Variants in RNF17 observed in about 807,000 individuals in gnomAD.
RNF17 encodes the protein ring finger protein 17, also known as spermatogenesis associated 23.
A neutral mutation model predicts 200.5 loss-of-function variants in RNF17; 31 were observed. The observed-to-expected ratio is 0.15, with a 90% CI of 0.12 to 0.21. RNF17 has a LOEUF of 0.21. Among genes scored for constraint, RNF17 ranks in the 10% least tolerant of loss-of-function variants. RNF17 has a pLI of 1.00. For synonymous variants in RNF17, 606 were observed against 637.8 expected (o/e 0.95, Z 0.75); for missense variants, 1,628 against 1,905.1 (o/e 0.85, Z 2.71).
At chr13:24,782,233 T>C (rs1882478500) in intron 6 of RNF17, among the ~76,000 whole-genome samples, 1 of 152,112 alleles carries the variant, frequency 6.6e-6, no homozygotes. Flanking sequence ...TGGGGTGCAA[T>C]GGTGTGATAA....
At chr13:24,814,762 G>A (rs1030027714) in intron 15 of RNF17, among the ~76,000 whole-genome samples, 2 of 152,134 alleles carry the variant, frequency 1.3e-5, no homozygotes, top group Non-Finnish European at 2.9e-5. Context: ...TAGTTGTGTT[G>A]TAACTTTTGA....
At chr13:24,791,022 G>A (rs763415131) in intron 9 of RNF17, among the ~76,000 whole-genome samples, 14 of 152,308 alleles carry the variant, frequency 9.2e-5, no homozygotes, top group Middle Eastern at 6.8e-3. Flanking sequence ...AGACAATGTG[G>A]CATATTTCTA....
chr13:24,749,799 C>T, the RNF17 span, among the ~76,000 whole-genome samples: 2 of 152,078 alleles, frequency 1.3e-5, no homozygotes, highest in Admixed American at 6.6e-5. Context: ...GCCCAGGCTG[C>T]AGTGCAGTGG....
chr13:24,884,030 T>A, downstream of RNF17: 1 of 1,614,094 alleles, frequency 6.2e-7, no homozygotes, highest in Non-Finnish European at 8.5e-7. Flanking sequence ...AATAAGTTTT[T>A]AACAGTCTGG....
chr13:24,810,685 T>A, intron 15 of RNF17, among the ~76,000 whole-genome samples: 1 of 143,618 alleles, frequency 7.0e-6, no homozygotes, highest in African/African-American at 2.7e-5. Flanking sequence ...CCTGTCATTA[T>A]GATGTTAGCT....
intron 24 of RNF17, among the ~76,000 whole-genome samples, chr13:24,853,198 G>C (rs1009021764): frequency 2.6e-5 from 4 of 152,214 alleles, no homozygotes; most frequent in African/African-American, 9.7e-5. Flanking sequence ...ATAGGCGTGA[G>C]CCACCATGCC....
chr13:24,781,533 G>A (rs1214961283), intron 5 of RNF17, among the ~76,000 whole-genome samples: 1 of 152,112 alleles, frequency 6.6e-6, no homozygotes, highest in East Asian at 1.9e-4. Flanking sequence ...CTACTCAGGA[G>A]GCCAAGGCAG....
chr13:24,825,648 A>G lies in RNF17; in HGVS notation c.2121A>G (p.Leu707=). The change falls in exon 16 of 36, where the codon TTA becomes TTG. Residue 707 remains leucine (L), a synonymous_variant. Coordinates refer to ENST00000255324, the MANE Select transcript of RNF17 (RefSeq NM_031277.3). ...AGGGCCTGGATATTTTATTTCTATT[A>G]AAGACAATCGAGGAATTCTATAAAA... is the stretch of plus-strand genomic sequence containing the variant. The part of the protein sequence containing the change: ...LIEGLDILFL[L]KTIEEFYKSE... 1 of 1,602,156 alleles carries G rather than the reference A, an allele frequency of 6.2e-7. No homozygotes were observed. Among genetic ancestry groups the G allele is most frequent in the African/African-American group, 1.3e-5 (1 of 74,752 alleles).
rs746172483 is a variant in RNF17 at position 24,764,316 on chromosome 13, G to A, written c.113G>A (p.Arg38Lys). The A allele has an allele frequency of 1.2e-6, 2 of 1,607,776 alleles. No individual in the cohort carries two copies. The highest frequency in any genetic ancestry group is 1.1e-5 in the South Asian group (1 of 90,500). ...ATCCAGTGCACCAGGTGTGGAAGGA[G>A]GGTATCCAGATCATCCGGTGAGGAG... ...AEIQCTRCGR[R>K]VSRSSGHHCE... Residue 38 changes from arginine to lysine, a missense_variant, in exon 1 of 36, where the codon AGG becomes AAG. By Grantham distance (26) the Arg-to-Lys change is conservative. Transcript: ENST00000255324.
chr13:24,884,541 C>CTT (rs1239241010), downstream of RNF17: 4 of 1,437,058 alleles, frequency 2.8e-6, no homozygotes, highest in Non-Finnish European at 3.9e-6. Context: ...CAACTGCCTA[C>CTT]TTTGAAATTT....
chr13:24,802,594 A>T, intron 14 of RNF17, 23 bp downstream of exon 14: 1 of 1,566,486 alleles, frequency 6.4e-7, no homozygotes, highest in Non-Finnish European at 8.7e-7. Context: ...TTAAAACTTA[A>T]ATATTCTTTG....
At chr13:24,764,888 GGTGTGTGTGTGTGTGTGTGTGT>G (rs57755622) in intron 1 of RNF17, among the ~76,000 whole-genome samples, 1 of 134,174 alleles carries the variant, frequency 7.5e-6, no homozygotes, top group East Asian at 2.0e-4. Flanking sequence ...CACCTTGTGG[GGTGTGTGTGTGTGTGTGTGTGT>G]GTGTGTGTGT....
intron 1 of RNF17, 41 bp from the exon 2 acceptor site, chr13:24,767,231 A>G: frequency 7.2e-7 from 1 of 1,383,568 alleles, no homozygotes; most frequent in Non-Finnish European, 1.0e-6. Context: ...CTCAATAATC[A>G]TCATCATCAT....
the RNF17 span, among the ~76,000 whole-genome samples, chr13:24,749,853 G>A: frequency 0.11 from 17,436 of 152,148 alleles, 1,170 homozygotes; most frequent in African/African-American, 0.18. Context: ...AGGTTCAAAC[G>A]ATTCTTGTGC....
chr13:24,874,919 CTCATA>C (rs1162405685), intron 33 of RNF17, among the ~76,000 whole-genome samples: 1 of 152,080 alleles, frequency 6.6e-6, no homozygotes, highest in African/African-American at 2.4e-5. Flanking sequence ...TTCTGGGTAC[CTCATA>C]TAAGTAAATT....
chr13:24,764,248 C>A lies in RNF17; in HGVS notation c.45C>A (p.Tyr15Ter). The part of the protein sequence containing the change: ...ASKTGPSRSS[Y>*]QRMGRKSQPW... ...AGACTGGGCCTTCTAGGTCTTCCTA[C>A]CAGCGAATGGGGAGGAAGAGTCAGC... Residue 15 changes from tyrosine (Y) to a stop codon, truncating the protein, a stop_gained, in exon 1 of 36, where the codon TAC becomes TAA. Coordinates refer to ENST00000255324, the MANE Select transcript of RNF17 (RefSeq NM_031277.3). LOFTEE classifies it high-confidence loss of function. 6.2e-7 allele frequency: 1 copy of A among 1,609,142 alleles called. No homozygotes were observed. Among genetic ancestry groups the A allele is most frequent in the Non-Finnish European group, 8.5e-7 (1 of 1,176,208 alleles).
At chr13:24,771,499 A>G (rs1333792583) in intron 2 of RNF17, among the ~76,000 whole-genome samples, 3 of 151,682 alleles carry the variant, frequency 2.0e-5, no homozygotes, top group Non-Finnish European at 4.4e-5. Flanking sequence ...AGAGTACTTT[A>G]TGTGATAGCA....
intron 2 of RNF17, among the ~76,000 whole-genome samples, chr13:24,771,708 CG>C (rs1216175849): frequency 1.5e-4 from 22 of 149,924 alleles, no homozygotes; most frequent in Admixed American, 3.3e-4. Context: ...TCAATACTTA[CG>C]TTTTTTTAAA....
intron 15 of RNF17, among the ~76,000 whole-genome samples, chr13:24,812,163 G>A (rs1426826034): frequency 1.4e-5 from 2 of 145,922 alleles, no homozygotes; most frequent in Admixed American, 7.2e-5. Flanking sequence ...GCTGTGGTGG[G>A]CTCCACCCAG....
Sources: gnomAD v4.1 joint callset for allele counts (sites outside exome capture counted in the v4.1 genomes callset) on GRCh38, gnomAD v4.1.1 for gene constraint, MANE v1.5 for transcripts, NCBI Gene and HGNC (gene_info 2026-07-23, HGNC 2026-07-21) for gene names.